The following TP53BP1 variants were observed in gnomAD, a reference collection of about 807,000 sequenced individuals.
TP53BP1 encodes the protein tumor protein p53 binding protein 1.
TP53BP1 carries 61 observed loss-of-function variants against 200.8 expected under a neutral mutation model. The observed-to-expected ratio is 0.30, with a 90% CI of 0.25 to 0.38. The LOEUF (loss-of-function observed/expected upper bound fraction) is 0.38, where lower values mean the gene tolerates loss of function less well. Ranked by LOEUF, TP53BP1 falls within the 10% of genes least tolerant of loss-of-function variation. TP53BP1 has a pLI of 1.00. For missense variants in TP53BP1, 2,144 were observed against 2,371.9 expected (o/e 0.90, Z 2.00); for synonymous variants, 822 against 844.3 (o/e 0.97, Z 0.46).
At chr15:43,482,042 A>G (rs371254532) in intron 4 of TP53BP1, among the ~76,000 whole-genome samples, 1 of 151,148 alleles carries the variant, frequency 6.6e-6, no homozygotes, top group Non-Finnish European at 1.5e-5. Context: ...CCTGGCTAAC[A>G]TGGTGAAACC....
chr15:43,440,222 GCACAC>G (rs905574193), intron 15 of TP53BP1, among the ~76,000 whole-genome samples: 8 of 152,176 alleles, frequency 5.3e-5, no homozygotes, highest in African/African-American at 1.9e-4. Context: ...GTTGAGTGGG[GCACAC>G]CCTTTCACAT....
In TP53BP1 at chr15:43,405,630, C is replaced by G. The variant is rs1304125903; in HGVS notation, c.*1753G>C. The G allele has an allele frequency of 6.0e-6, 1 of 167,694 alleles. No individual in the cohort carries two copies. Among genetic ancestry groups the G allele is most frequent in the Non-Finnish European group, 1.3e-5 (1 of 78,130 alleles). The allele number at this position is 167,694 out of a possible 1,614,324, so 10.4% of individuals were successfully genotyped here. A position where few individuals can be genotyped will look rare whatever the true frequency, so the allele number is the denominator to read the frequency against. ...ATTATGTTTATAAATAGACTAACTGCTGGATGTTACCACCAAGTAAGAAAG... is the reference window on the plus strand; with the variant it reads ...ATTATGTTTATAAATAGACTAACTGGTGGATGTTACCACCAAGTAAGAAAG... On this transcript the variant is annotated 3_prime_UTR_variant, in exon 28 of 28. Coordinates refer to ENST00000382044, the MANE Select transcript of TP53BP1 (RefSeq NM_001141980.3).
intron 4 of TP53BP1, among the ~76,000 whole-genome samples, chr15:43,481,813 C>CAA (rs34854110): frequency 3.6e-5 from 4 of 111,710 alleles, no homozygotes; most frequent in Admixed American, 9.4e-5. Context: ...GACTCTGTCT[C>CAA]AAAAAAAAAA....
At chr15:43,476,208 T>A (rs1219729775) in intron 8 of TP53BP1, among the ~76,000 whole-genome samples, 6 of 152,144 alleles carry the variant, frequency 3.9e-5, no homozygotes, top group Non-Finnish European at 7.4e-5. Context: ...GAGGTTGCAG[T>A]GAGCTGAGAT....
rs2044755887 is a variant in TP53BP1 at position 43,403,716 on chromosome 15, T to C, written c.*3667A>G. On this transcript the variant is annotated 3_prime_UTR_variant, in exon 28 of 28. Coordinates refer to ENST00000382044, the MANE Select transcript of TP53BP1 (RefSeq NM_001141980.3). ...CTGCCTGAATGAAATCCTAGATCTC[T>C]GTCACAGTTTTTGTTCGCTGGTCAG... is the stretch of plus-strand genomic sequence containing the variant. The C allele has an allele frequency of 6.2e-7, 1 of 1,613,234 alleles. No homozygotes were observed. Among genetic ancestry groups the C allele is most frequent in the African/African-American group, 1.3e-5 (1 of 74,928 alleles).
At chr15:43,476,723 C>G (rs2078888186) in intron 8 of TP53BP1, among the ~76,000 whole-genome samples, 1 of 152,164 alleles carries the variant, frequency 6.6e-6, no homozygotes, top group Admixed American at 6.5e-5. Context: ...AGGAAGATAG[C>G]CTTCTTCCCT....
chr15:43,493,604 C>T (rs1159369004), upstream of TP53BP1, among the ~76,000 whole-genome samples: 1 of 152,076 alleles, frequency 6.6e-6, no homozygotes, highest in Non-Finnish European at 1.5e-5. Flanking sequence ...AGAAGAGACT[C>T]TTTCTTCTTT....
At chr15:43,437,591 G>C (rs1481716034) in intron 16 of TP53BP1, among the ~76,000 whole-genome samples, 1 of 152,006 alleles carries the variant, frequency 6.6e-6, no homozygotes, top group Non-Finnish European at 1.5e-5. Context: ...CTCCAGCCTG[G>C]GTGACAGAGT....
At chr15:43,413,697 GT>G (rs1483145648) in intron 23 of TP53BP1, among the ~76,000 whole-genome samples, 4 of 152,088 alleles carry the variant, frequency 2.6e-5, no homozygotes, top group African/African-American at 9.6e-5. Flanking sequence ...GTAGGTGAGA[GT>G]GAAAAATGTT....
At chr15:43,409,151 A>C (rs748322812) in intron 25 of TP53BP1, 55 bp from the exon 26 acceptor site, 5 of 1,540,762 alleles carry the variant, frequency 3.2e-6, no homozygotes, top group Non-Finnish European at 4.5e-6. Context: ...GAAAGCTCCT[A>C]AGCAGCAGCC....
intron 10 of TP53BP1, among the ~76,000 whole-genome samples, chr15:43,474,391 G>C (rs1010034150): frequency 6.0e-5 from 9 of 151,220 alleles, no homozygotes; most frequent in Non-Finnish European, 1.2e-4. Flanking sequence ...GGCAGAGGAG[G>C]CGCCGAGAGC....
Position 43,403,221 on chromosome 15 carries a change from C to G in TP53BP1, c.*4162G>C, listed in dbSNP as rs928379632. On this transcript the variant is annotated 3_prime_UTR_variant, in exon 28 of 28. Transcript: ENST00000382044. ...ACAAAAATCAGTAACAACACAGAGG[C>G]CTGAACAATTGCCAAGTGGACAACA... 5 of 153,128 alleles carry G rather than the reference C, an allele frequency of 3.3e-5. No individual in the cohort carries two copies. Among genetic ancestry groups the G allele is most frequent in the African/African-American group, 1.2e-4 (5 of 41,482 alleles). The allele number at this position is 153,128 out of a possible 1,614,324, so 9.5% of individuals were successfully genotyped here. A position where few individuals can be genotyped will look rare whatever the true frequency, so the allele number is the denominator to read the frequency against.
chr15:43,439,475 G>T (rs2045878033), intron 15 of TP53BP1, among the ~76,000 whole-genome samples: 1 of 152,160 alleles, frequency 6.6e-6, no homozygotes, highest in South Asian at 2.1e-4. Flanking sequence ...GGTCAAGGCT[G>T]CAGTGAACTG....
Position 43,420,714 on chromosome 15 carries a change from G to C in TP53BP1, c.4272C>G (p.Pro1424=). The C allele has an allele frequency of 6.2e-7, 1 of 1,613,916 alleles. No individual in the cohort carries two copies. Among genetic ancestry groups the C allele is most frequent in the African/African-American group, 1.3e-5 (1 of 75,048 alleles). Residue 1424 remains proline, a synonymous_variant, in exon 21 of 28, where the codon CCC becomes CCG. Transcript: ENST00000382044. ...TGTRETAVPG[P]LGIEDISPNL... ...TAGGTGAAATGTCCTCTATGCCCAAGGGGCCAGGCACAGCTGTTTCTCTAA... is the reference window on the plus strand; with the variant it reads ...TAGGTGAAATGTCCTCTATGCCCAACGGGCCAGGCACAGCTGTTTCTCTAA...
chr15:43,501,874 T>C (rs750674555), intron 1 of TP53BP1, among the ~76,000 whole-genome samples: 121 of 152,226 alleles, frequency 7.9e-4, no homozygotes, highest in Non-Finnish European at 1.3e-3. Flanking sequence ...GTTTAGACTA[T>C]TATAAATAAA....
At chr15:43,473,978 G>A (rs1207876486) in intron 10 of TP53BP1, among the ~76,000 whole-genome samples, 2 of 152,240 alleles carry the variant, frequency 1.3e-5, no homozygotes, top group Non-Finnish European at 2.9e-5. Context: ...GGGGGTGGAA[G>A]GCTCAGGCAT....
rs865948087 is a variant in TP53BP1, at chr15:43,431,070, T to A, written c.3675+1124A>T. On this transcript the variant is annotated intron_variant, in intron 17 of 27. Coordinates refer to ENST00000382044, the MANE Select transcript of TP53BP1 (RefSeq NM_001141980.3). Reference sequence around the variant, plus strand: ...GATAACCAAGACAGCTACTAAGTCATTAACAGGCAGGGAGCATATATAGCA... The same window carrying A: ...GATAACCAAGACAGCTACTAAGTCAATAACAGGCAGGGAGCATATATAGCA... 2.3e-4 allele frequency among the ~76,000 whole-genome samples: 35 copies of A among 152,240 alleles called. No homozygotes were observed. The South Asian group carries it at 4.2e-3, about 18-fold the overall frequency.
rs747072076 is a variant in TP53BP1 at position 43,456,845 on chromosome 15, T to C, written c.1763A>G (p.Asp588Gly). 6.2e-7 allele frequency: 1 copy of C among 1,613,982 alleles called. No individual in the cohort carries two copies. Among genetic ancestry groups the C allele is most frequent in the Non-Finnish European group, 8.5e-7 (1 of 1,180,034 alleles). Residue 588 changes from aspartate to glycine, a missense_variant, in exon 12 of 28, where the codon GAT becomes GGT. Physicochemically the swap from Asp to Gly is moderately conservative, Grantham distance 94. Transcript: ENST00000382044. ...QDGEVQLSQN[D>G]DKTKGDDTDT... ...TGTATCATCTCCCTTTGTTTTGTCA[T>C]CATTCTGACTCAGTTGTACTTCACC...
intron 27 of TP53BP1, 143 bp downstream of exon 27, chr15:43,407,795 ACTCAC>A: frequency 1.2e-6 from 1 of 856,258 alleles, no homozygotes; most frequent in Non-Finnish European, 1.8e-6. Context: ...ACTTATGTTG[ACTCAC>A]CTCTTGAAGG....
Sources: gnomAD v4.1 joint callset for allele counts (sites outside exome capture counted in the v4.1 genomes callset) on GRCh38, gnomAD v4.1.1 for gene constraint, MANE v1.5 for transcripts, NCBI Gene and HGNC (gene_info 2026-07-23, HGNC 2026-07-21) for gene names.